FANCC: variants seen among roughly 807,000 people sequenced by gnomAD.
The protein encoded by FANCC is Fanconi anemia group C protein.
FANCC carries 55 observed loss-of-function variants against 71.3 expected under a neutral mutation model. That is an observed-to-expected ratio of 0.77 (90% CI 0.62 to 0.97). The LOEUF (loss-of-function observed/expected upper bound fraction) is 0.97, where lower values mean the gene tolerates loss of function less well. Among genes scored for constraint, FANCC ranks in the 50% least tolerant of loss-of-function variants. FANCC has a pLI of 0.00. For synonymous variants in FANCC, 275 were observed against 244.9 expected (o/e 1.12, Z -1.15); for missense variants, 678 against 670.9 (o/e 1.01, Z -0.12).
intron 4 of FANCC, among the ~76,000 whole-genome samples, chr9:95,240,102 T>C (rs1830548957): frequency 6.6e-6 from 1 of 152,206 alleles, no homozygotes; most frequent in Non-Finnish European, 1.5e-5. Flanking sequence ...GTCAGCTATC[T>C]GGACTAGCAC....
chr9:95,292,687 CAAT>C (rs1834118728), intron 1 of FANCC: 7 of 1,323,222 alleles, frequency 5.3e-6, no homozygotes, highest in African/African-American at 1.4e-5. Context: ...ACAGTCAATC[CAAT>C]AATAAGAAAA....
chr9:95,160,190 G>T (rs1248198856), intron 6 of FANCC, among the ~76,000 whole-genome samples: 2 of 152,092 alleles, frequency 1.3e-5, no homozygotes, highest in Non-Finnish European at 2.9e-5. Context: ...AATCCATCTT[G>T]AATTAATTTT....
At chr9:95,172,264 T>G in intron 4 of FANCC, 117 bp from the exon 5 acceptor site, 1 of 647,180 alleles carries the variant, frequency 1.5e-6, no homozygotes, top group East Asian at 2.7e-5. Flanking sequence ...CAAAAAAATC[T>G]GTTTGTCAAA....
intron 4 of FANCC, among the ~76,000 whole-genome samples, chr9:95,218,059 T>C (rs1207247498): frequency 6.6e-6 from 1 of 152,144 alleles, no homozygotes; most frequent in Admixed American, 6.5e-5. Context: ...AGAACCTGAA[T>C]AGAAACTACC....
At chr9:95,163,372 C>T (rs1243260617) in intron 6 of FANCC, among the ~76,000 whole-genome samples, 1 of 152,222 alleles carries the variant, frequency 6.6e-6, no homozygotes, top group Non-Finnish European at 1.5e-5. Context: ...AAGTATGAGG[C>T]TTCCACCTTG....
intron 7 of FANCC, among the ~76,000 whole-genome samples, chr9:95,149,399 T>C (rs1477373409): frequency 2.0e-5 from 3 of 152,038 alleles, no homozygotes; most frequent in Non-Finnish European, 4.4e-5. Context: ...TGTGTTTACC[T>C]ATGTAACAAA....
intron 4 of FANCC, among the ~76,000 whole-genome samples, chr9:95,230,674 G>A (rs1395467176): frequency 1.3e-5 from 2 of 152,072 alleles, no homozygotes; most frequent in East Asian, 1.9e-4. Context: ...AAGGTAGTGC[G>A]GACCCAAAGA....
intron 1 of FANCC, among the ~76,000 whole-genome samples, chr9:95,267,129 G>T (rs1383681334): frequency 6.6e-6 from 1 of 152,144 alleles, no homozygotes; most frequent in Non-Finnish European, 1.5e-5. Context: ...AACAGGCAAT[G>T]AAACTGTAGG....
chr9:95,109,501 G>A (rs2071735737), intron 13 of FANCC: 1 of 151,758 alleles, frequency 6.6e-6, no homozygotes, highest in South Asian at 2.1e-4. Context: ...ATTCTTAAGG[G>A]TATCTAAACG....
chr9:95,311,283 G>A (rs1814250114), intron 1 of FANCC, among the ~76,000 whole-genome samples: 1 of 148,826 alleles, frequency 6.7e-6, no homozygotes, highest in African/African-American at 2.5e-5. Flanking sequence ...AATCTATTGA[G>A]TACAGCACTT....
At chr9:95,155,937 G>A (rs368647367) in intron 6 of FANCC, among the ~76,000 whole-genome samples, 11 of 150,618 alleles carry the variant, frequency 7.3e-5, no homozygotes, top group African/African-American at 2.7e-4. Flanking sequence ...TGTTGCCCAG[G>A]CTGGTCTCAA....
At chr9:95,263,502 G>GTATA (rs371617986) in intron 1 of FANCC, among the ~76,000 whole-genome samples, 31 of 145,588 alleles carry the variant, frequency 2.1e-4, no homozygotes, top group Admixed American at 1.7e-3. Context: ...GTATGTATGT[G>GTATA]TATATATATA....
chr9:95,222,810 T>G (rs569424581), intron 4 of FANCC, among the ~76,000 whole-genome samples: 1 of 152,342 alleles, frequency 6.6e-6, no homozygotes, highest in African/African-American at 2.4e-5. Context: ...AATTTCAGTC[T>G]GATGCATATA....
rs144610381 is a variant in FANCC, at chr9:95,137,414, T to C, written c.687-1912A>G. ...GGGAGGGTACATTCACCTCAGAGCC[T>C]CCTGATCTCACGCTCACACCCTGAG... On this transcript the variant is annotated intron_variant, in intron 7 of 14. Transcript: ENST00000289081. 2.4e-3 allele frequency among the ~76,000 whole-genome samples: 372 copies of C among 152,008 alleles called. 2 individuals carry two copies. Among genetic ancestry groups the C allele is most frequent in the African/African-American group, 8.6e-3 (355 of 41,426 alleles).
In FANCC at chr9:95,111,292, C is replaced by G. The variant is rs750083277; in HGVS notation, c.1329+171G>C. The G allele has an allele frequency of 3.2e-6, 5 of 1,576,124 alleles. No individual in the cohort carries two copies. The South Asian group carries it at 5.7e-5, about 18-fold the overall frequency. ...CCTCGGTGGGGACAGGAGAACGCCTCTGACCACAAGGCTGGAGATCACCAT... is the reference window on the plus strand; with the variant it reads ...CCTCGGTGGGGACAGGAGAACGCCTGTGACCACAAGGCTGGAGATCACCAT... On this transcript the variant is annotated intron_variant, in intron 13 of 14. Coordinates refer to ENST00000289081, the MANE Select transcript of FANCC (RefSeq NM_000136.3).
intron 6 of FANCC, among the ~76,000 whole-genome samples, chr9:95,169,439 G>T (rs1489776356): frequency 6.6e-6 from 1 of 152,162 alleles, no homozygotes; most frequent in Non-Finnish European, 1.5e-5. Context: ...GATAAGGAGG[G>T]ATTACTGTAT....
intron 1 of FANCC, among the ~76,000 whole-genome samples, chr9:95,268,366 G>A (rs906984185): frequency 2.0e-5 from 3 of 152,188 alleles, no homozygotes; most frequent in East Asian, 1.9e-4. Context: ...ATAGCAAAAG[G>A]AGTAAAGCAA....
chr9:95,141,474 C>T (rs544379930), intron 7 of FANCC, among the ~76,000 whole-genome samples: 12 of 152,128 alleles, frequency 7.9e-5, no homozygotes, highest in Non-Finnish European at 1.5e-4. Context: ...AAACACTCAC[C>T]TATATGATTT....
chr9:95,292,683 A>T, intron 1 of FANCC: 4 of 1,326,104 alleles, frequency 3.0e-6, no homozygotes, highest in Non-Finnish European at 4.4e-6. Context: ...TAGCACAGTC[A>T]ATCCAATAAT....
Sources: allele counts gnomAD v4.1 joint callset (sites outside exome capture counted in the v4.1 genomes callset), GRCh38; gene constraint gnomAD v4.1.1; transcripts MANE v1.5; gene names NCBI Gene and HGNC (gene_info 2026-07-23, HGNC 2026-07-21).